The following KDR variants were observed in gnomAD, a reference collection of about 807,000 sequenced individuals.
KDR encodes the protein vascular endothelial growth factor receptor 2.
A neutral mutation model predicts 160.9 loss-of-function variants in KDR; 43 were observed. The ratio of observed to expected loss-of-function variants is 0.27; its 90% CI spans 0.21 to 0.34. The LOEUF (loss-of-function observed/expected upper bound fraction) is 0.34, where lower values mean the gene tolerates loss of function less well. Among genes scored for constraint, KDR ranks in the 10% least tolerant of loss-of-function variants. The pLI, the probability that KDR is intolerant of heterozygous loss-of-function variation, is 1.00. For synonymous variants in KDR, 617 were observed against 600.1 expected (o/e 1.03, Z -0.41); for missense variants, 1,469 against 1,666.4 (o/e 0.88, Z 2.06).
chr4:55,080,299 A>T (rs1451972628), intron 29 of KDR, 136 bp from the exon 30 acceptor site: 1 of 763,420 alleles, frequency 1.3e-6, no homozygotes, highest in African/African-American at 1.7e-5. Flanking sequence ...CCAGTTGTTA[A>T]TCAGCATAGC....
intron 21 of KDR, among the ~76,000 whole-genome samples, chr4:55,093,882 C>G (rs1720081599): frequency 6.6e-6 from 1 of 152,130 alleles, no homozygotes; most frequent in Non-Finnish European, 1.5e-5. Flanking sequence ...GCTGGGACCA[C>G]AGCTCCACCC....
Position 55,094,928 on chromosome 4 carries a change from T to G in KDR, c.2845A>C (p.Lys949Gln). The G allele has an allele frequency of 6.2e-7, 1 of 1,613,954 alleles. No individual in the cohort carries two copies. Among genetic ancestry groups the G allele is most frequent in the Non-Finnish European group, 8.5e-7 (1 of 1,179,884 alleles). The stretch of plus-strand genomic sequence containing the variant: ...ACAGGGATTGCTCCAACGTAGTCTT[T>G]CCCTTGACGGAATCGTGCCCCTTTG... ...KTKGARFRQG[K>Q]DYVGAIPVDL... The change falls in exon 21 of 30, where the codon AAA (lysine) becomes CAA (glutamine). Residue 949 changes from lysine (K) to glutamine (Q), a missense_variant. Physicochemically the swap from Lys to Gln is moderately conservative, Grantham distance 53. This residue lies in a region of KDR where 151 missense variants were observed against 207.2 expected (regional missense o/e 0.73). Coordinates refer to ENST00000263923, the MANE Select transcript of KDR (RefSeq NM_002253.4).
chr4:55,112,012 A>G (rs1720597195), intron 7 of KDR, among the ~76,000 whole-genome samples: 1 of 152,206 alleles, frequency 6.6e-6, no homozygotes, highest in African/African-American at 2.4e-5. Context: ...AAACTCCAAA[A>G]TCCTTTCCAA....
At chr4:55,096,421 C>T in intron 18 of KDR, 79 bp from the exon 19 acceptor site, 4 of 963,484 alleles carry the variant, frequency 4.2e-6, no homozygotes, top group Non-Finnish European at 6.6e-6. Context: ...TCCCTGCATG[C>T]CACTATACAA....
chr4:55,118,855 T>C (rs999158970), intron 2 of KDR, 55 bp from the exon 3 acceptor site: 6 of 1,463,856 alleles, frequency 4.1e-6, no homozygotes, highest in East Asian at 2.3e-5. Context: ...TGTGAGGCTA[T>C]TTCTAAGAAA....
intron 6 of KDR, 111 bp downstream of exon 6, chr4:55,114,015 T>G: frequency 9.1e-7 from 1 of 1,098,346 alleles, no homozygotes; most frequent in Non-Finnish European, 1.4e-6. Flanking sequence ...GTGTGTGTGT[T>G]TAAGGCTCTT....
intron 4 of KDR, 112 bp from the exon 5 acceptor site, chr4:55,115,154 T>A (rs930217966): frequency 1.2e-5 from 15 of 1,237,012 alleles, no homozygotes; most frequent in Non-Finnish European, 1.6e-5. Flanking sequence ...TTAGTTTTAT[T>A]CATTGCATTT....
intron 7 of KDR, among the ~76,000 whole-genome samples, chr4:55,112,611 C>T (rs1192913261): frequency 6.6e-6 from 1 of 151,214 alleles, no homozygotes; most frequent in Non-Finnish European, 1.5e-5. Flanking sequence ...TCACTGCAAC[C>T]TCCACCTCCT....
chr4:55,085,950 C>T (rs926995844), intron 27 of KDR, among the ~76,000 whole-genome samples: 2 of 152,190 alleles, frequency 1.3e-5, no homozygotes, highest in African/African-American at 2.4e-5. Flanking sequence ...GCTGCCGACT[C>T]GGATCATCAC....
intron 9 of KDR, among the ~76,000 whole-genome samples, chr4:55,108,668 T>G (rs1057460089): frequency 1.4e-5 from 2 of 147,928 alleles, no homozygotes; most frequent in South Asian, 4.3e-4. Context: ...GCCACCATCA[T>G]CTGAGTTTTT....
intron 20 of KDR, 71 bp downstream of exon 20, chr4:55,095,506 A>T: frequency 5.2e-6 from 6 of 1,151,458 alleles, no homozygotes; most frequent in Non-Finnish European, 6.6e-6. Context: ...CAACTAAAAA[A>T]CTAACCTGTA....
At position 55,097,773 on chromosome 4, in the gene KDR, T is replaced by C; in HGVS notation, c.2510-7A>G. 3.1e-6 allele frequency: 5 copies of C among 1,592,892 alleles called. No individual in the cohort carries two copies. The highest frequency in any genetic ancestry group is 4.3e-6 in the Non-Finnish European group (5 of 1,161,936). ...CCACGGCCAAGAGGCTTACCTAGAG[T>C]CAACAACAACAGCAACAAGAAAACA... is the stretch of plus-strand genomic sequence containing the variant. On this transcript the variant is annotated splice_polypyrimidine_tract_variant and splice_region_variant and intron_variant, in intron 17 of 29. Transcript: ENST00000263923.
chr4:55,090,186 T>C, intron 22 of KDR, 108 bp from the exon 23 acceptor site: 1 of 1,286,886 alleles, frequency 7.8e-7, no homozygotes, highest in South Asian at 1.2e-5. Context: ...AGCCAACTGA[T>C]TAACAAGGAC....
intron 9 of KDR, among the ~76,000 whole-genome samples, chr4:55,109,321 G>A (rs2110026426): frequency 6.6e-6 from 1 of 152,138 alleles, no homozygotes; most frequent in East Asian, 1.9e-4. Context: ...GACCTCAGGT[G>A]ATCCATCCGC....
At chr4:55,080,297 T>C (rs1719699874) in intron 29 of KDR, 134 bp from the exon 30 acceptor site, 4 of 765,416 alleles carry the variant, frequency 5.2e-6, no homozygotes, top group Non-Finnish European at 9.0e-6. Flanking sequence ...TCCCAGTTGT[T>C]AATCAGCATA....
Position 55,106,677 on chromosome 4 carries a change from T to G in KDR, c.1536+10A>C, listed in dbSNP as rs1720452242. The stretch of plus-strand genomic sequence containing the variant: ...AGAGAGATTTTCAAATTTTAAAACT[T>G]CAAACTCACTTTGTTTTTTCCTTCA... On this transcript the variant is annotated intron_variant, in intron 11 of 29. Transcript: ENST00000263923. 6.5e-7 allele frequency: 1 copy of G among 1,535,158 alleles called. No individual in the cohort carries two copies. Among genetic ancestry groups the G allele is most frequent in the Non-Finnish European group, 9.0e-7 (1 of 1,108,892 alleles).
Position 55,096,339 on chromosome 4 carries a change from C to G in KDR, c.2618G>C (p.Gly873Ala), listed in dbSNP as rs780022671. 1 of 1,605,992 alleles carries G rather than the reference C, an allele frequency of 6.2e-7. No individual in the cohort carries two copies. The highest frequency in any genetic ancestry group is 2.2e-5 in the East Asian group (1 of 44,790). ...RTVAVKMLKE[G>A]ATHSEHRALM... ...AGCTCGATGCTCACTGTGTGTTGCT[C>G]CTTCTACAAATACAGTACAAAGAGG... Residue 873 changes from glycine to alanine, a missense_variant, in exon 19 of 30, where the codon GGA becomes GCA. Physicochemically the swap from Gly to Ala is moderately conservative, Grantham distance 60 (BLOSUM62 0). Transcript: ENST00000263923.
In KDR at chr4:55,125,406, G is replaced by A. The variant is rs1721007545; in HGVS notation, c.-113C>T. On this transcript the variant is annotated 5_prime_UTR_variant, in exon 1 of 30. Coordinates refer to ENST00000263923, the MANE Select transcript of KDR (RefSeq NM_002253.4). Reference sequence around the variant, plus strand: ...GAACTCGCGGCACCCCGCAGCGCAGGACAGTTGAGCGCACAGGGCTAGGGA... The same window carrying A: ...GAACTCGCGGCACCCCGCAGCGCAGAACAGTTGAGCGCACAGGGCTAGGGA... 1 of 1,359,106 alleles carries A rather than the reference G, an allele frequency of 7.4e-7. No individual in the cohort carries two copies. Among genetic ancestry groups the A allele is most frequent in the South Asian group, 1.2e-5 (1 of 80,384 alleles). The allele number at this position is 1,359,106 out of a possible 1,614,324, so 84.2% of individuals were successfully genotyped here.
chr4:55,084,066 C>T lies in KDR; in HGVS notation c.3663-1431G>A, dbSNP rs192933594. 1.5e-3 allele frequency among the ~76,000 whole-genome samples: 229 copies of T among 152,318 alleles called. 1 individual carries two copies. Among genetic ancestry groups the T allele is most frequent in the African/African-American group, 5.2e-3 (215 of 41,570 alleles). ...GCAGCATCTCATGATGTGTTCACCACGGTACCTCTCTAGGGGTGAGTATTA... is the reference window on the plus strand; with the variant it reads ...GCAGCATCTCATGATGTGTTCACCATGGTACCTCTCTAGGGGTGAGTATTA... On this transcript the variant is annotated intron_variant, in intron 27 of 29. Transcript: ENST00000263923.
Sources: allele counts gnomAD v4.1 joint callset (sites outside exome capture counted in the v4.1 genomes callset), GRCh38; gene constraint gnomAD v4.1.1; regional missense constraint gnomAD v4.1.1; transcripts MANE v1.5; gene names NCBI Gene and HGNC (gene_info 2026-07-23, HGNC 2026-07-21).